Variants in MKLN1 observed in about 807,000 individuals in gnomAD.
MKLN1 encodes muskelin 1.
A neutral mutation model predicts 99.0 loss-of-function variants in MKLN1; 18 were observed. That is an observed-to-expected ratio of 0.18 (90% confidence interval 0.13 to 0.27). The LOEUF (loss-of-function observed/expected upper bound fraction) is 0.27, where lower values mean the gene tolerates loss of function less well. Among genes scored for constraint, MKLN1 ranks in the 10% least tolerant of loss-of-function variants. The pLI is 1.00. For synonymous variants in MKLN1, 288 were observed against 293.2 expected (o/e 0.98, Z 0.18); for missense variants, 621 against 875.9 (o/e 0.71, Z 3.67).
rs1357231072 is a variant in MKLN1, at chr7:131,494,839, C to A, written c.*7111C>A. 1 of 152,176 alleles carries A rather than the reference C, an allele frequency of 6.6e-6. No homozygotes were observed. Among genetic ancestry groups the A allele is most frequent in the Non-Finnish European group, 1.5e-5 (1 of 68,044 alleles). 9.4% of individuals were successfully genotyped at this position (152,176 alleles called of 1,614,324 possible). A position where few individuals can be genotyped will look rare whatever the true frequency, so the allele number is the denominator to read the frequency against. ...TTAATTAACTACTTTGTATAGTCTT[C>A]TGCATAATTTAGAGTTGAAAATAAT... On this transcript the variant is annotated 3_prime_UTR_variant, in exon 18 of 18. Coordinates refer to ENST00000352689, the MANE Select transcript of MKLN1 (RefSeq NM_013255.5).
chr7:131,113,667 C>CAAAAAAAAA (rs71168363), intron 1 of MKLN1, among the ~76,000 whole-genome samples: 10 of 96,484 alleles, frequency 1.0e-4, no homozygotes, highest in African/African-American at 1.8e-4. Flanking sequence ...TACAAAAATA[C>CAAAAAAAAA]AAAAAAAAAA....
chr7:131,399,115 A>G, intron 5 of MKLN1, 126 bp from the exon 6 acceptor site: 2 of 788,018 alleles, frequency 2.5e-6, no homozygotes, highest in Non-Finnish European at 4.1e-6. Flanking sequence ...TCAGGTTAGT[A>G]AACTGCTTGG....
chr7:131,476,219 T>C (rs1191243590), intron 16 of MKLN1, among the ~76,000 whole-genome samples: 1 of 152,142 alleles, frequency 6.6e-6, no homozygotes, highest in Admixed American at 6.5e-5. Flanking sequence ...CATTTAACCC[T>C]TTTCCCTAAG....
intron 1 of MKLN1, among the ~76,000 whole-genome samples, chr7:131,122,015 T>TA (rs1433405620): frequency 2.0e-5 from 3 of 152,246 alleles, no homozygotes; most frequent in Non-Finnish European, 4.4e-5. Context: ...AGCTCTTTGT[T>TA]AAACACTGCC....
At chr7:131,374,596 GT>G (rs1189570529) in intron 1 of MKLN1, among the ~76,000 whole-genome samples, 3 of 152,184 alleles carry the variant, frequency 2.0e-5, no homozygotes, top group African/African-American at 7.2e-5. Flanking sequence ...CATATTCCTT[GT>G]GAAAAACAAC....
Position 131,219,910 on chromosome 7 carries a change from C to A in MKLN1, c.-179+16936C>A, listed in dbSNP as rs1040736893. Among the ~76,000 whole-genome samples, 31 of 152,144 alleles carry A rather than the reference C, an allele frequency of 2.0e-4. 1 individual carries two copies. The highest frequency in any genetic ancestry group is 6.5e-4 in the African/African-American group (27 of 41,416). On this transcript the variant is annotated intron_variant, in intron 3 of 7. Transcript: ENST00000416992. ...TTGGTTTCCTCTTACGTGATCCTTCCTTCTTCCTGCCACCTGCTAGTTTCT... is the reference window on the plus strand; with the variant it reads ...TTGGTTTCCTCTTACGTGATCCTTCATTCTTCCTGCCACCTGCTAGTTTCT...
chr7:131,330,007 C>G (rs1392863950), intron 1 of MKLN1, among the ~76,000 whole-genome samples: 1 of 152,074 alleles, frequency 6.6e-6, no homozygotes, highest in Non-Finnish European at 1.5e-5. Context: ...GTAATCTAAG[C>G]TTTTTTCTTT....
chr7:131,126,868 A>C (rs1424244760), intron 1 of MKLN1, among the ~76,000 whole-genome samples: 1 of 152,162 alleles, frequency 6.6e-6, no homozygotes, highest in Non-Finnish European at 1.5e-5. Flanking sequence ...TGTTGATCTT[A>C]GAATAGAAGA....
intron 4 of MKLN1, 99 bp downstream of exon 4, chr7:131,389,071 A>T: frequency 1.5e-6 from 1 of 670,122 alleles, no homozygotes; most frequent in Non-Finnish European, 2.5e-6. Context: ...TTGTTTTTTT[A>T]AATACAATTT....
At chr7:131,110,201 G>C (rs2116836137) in exon 1 of MKLN1, 1 of 170,912 alleles carries the variant, frequency 5.9e-6, no homozygotes, top group East Asian at 1.8e-4. Context: ...TCCCCGCGGG[G>C]CAGATGGTAA....
At chr7:131,261,564 C>A (rs531408523) in intron 3 of MKLN1, among the ~76,000 whole-genome samples, 1 of 152,200 alleles carries the variant, frequency 6.6e-6, no homozygotes, top group Non-Finnish European at 1.5e-5. Context: ...ATTAGTTCAC[C>A]CATTGTGGAA....
intron 2 of MKLN1, among the ~76,000 whole-genome samples, chr7:131,183,081 C>T (rs1033262910): frequency 6.6e-6 from 1 of 152,118 alleles, no homozygotes; most frequent in African/African-American, 2.4e-5. Flanking sequence ...AAGTGAAATC[C>T]TGCAAAATAA....
At chr7:131,400,772 C>T (rs1304049260) in intron 6 of MKLN1, among the ~76,000 whole-genome samples, 1 of 151,924 alleles carries the variant, frequency 6.6e-6, no homozygotes, top group Non-Finnish European at 1.5e-5. Flanking sequence ...TTAAGATTAG[C>T]TGATAAAAAT....
At chr7:131,133,101 C>CA (rs1015224060) in intron 1 of MKLN1, among the ~76,000 whole-genome samples, 1 of 151,696 alleles carries the variant, frequency 6.6e-6, no homozygotes, top group Non-Finnish European at 1.5e-5. Flanking sequence ...TGTTGCTGTA[C>CA]AAAAGCCCAA....
In MKLN1 at chr7:131,434,972, G is replaced by A. The variant is rs999189671; in HGVS notation, c.961-2813G>A. On this transcript the variant is annotated intron_variant, in intron 9 of 17. Transcript: ENST00000352689. The stretch of plus-strand genomic sequence containing the variant: ...TCTTGTTTCATATCTAAACAGGAGA[G>A]TGTTCAGTATGTCATCATTAAGAAA... 1.3e-5 allele frequency among the ~76,000 whole-genome samples: 2 copies of A among 152,204 alleles called. 1 individual carries two copies. Among genetic ancestry groups the A allele is most frequent in the South Asian group, 4.1e-4 (2 of 4,834 alleles).
rs1798240098 is a variant in MKLN1, at chr7:131,292,781, T to G, written c.-178-82643T>G. ...CCAATTTGTGAGTACTTTGTTACCA[T>G]AGCTCCAGGAAACTAATGGGGAACA... On this transcript the variant is annotated intron_variant, in intron 3 of 7. Transcript: ENST00000416992. Among the ~76,000 whole-genome samples, 3 of 152,226 alleles carry G rather than the reference T, an allele frequency of 2.0e-5. No individual in the cohort carries two copies. The South Asian group carries it at 6.2e-4, about 31-fold the overall frequency.
intron 3 of MKLN1, among the ~76,000 whole-genome samples, chr7:131,275,169 C>T (rs1357679404): frequency 6.6e-6 from 1 of 151,980 alleles, no homozygotes; most frequent in Non-Finnish European, 1.5e-5. Flanking sequence ...CCAGCATGGT[C>T]AAGTTCTGGT....
chr7:131,234,888 T>C (rs1797293530), intron 3 of MKLN1, among the ~76,000 whole-genome samples: 1 of 152,124 alleles, frequency 6.6e-6, no homozygotes, highest in Non-Finnish European at 1.5e-5. Context: ...TAACCTACAT[T>C]TGCTGTCTAA....
At chr7:131,390,786 G>A (rs530823679) in intron 4 of MKLN1, among the ~76,000 whole-genome samples, 1 of 152,088 alleles carries the variant, frequency 6.6e-6, no homozygotes, top group South Asian at 2.1e-4. Flanking sequence ...CTGCTTGACT[G>A]AAACTTTTTA....
Sources: gnomAD v4.1 joint callset for allele counts (sites outside exome capture counted in the v4.1 genomes callset) on GRCh38, gnomAD v4.1.1 for gene constraint, MANE v1.5 for transcripts, NCBI Gene and HGNC (gene_info 2026-07-23, HGNC 2026-07-21) for gene names.